The following NUGGC variants were observed in gnomAD, a reference collection of about 807,000 sequenced individuals.
The protein encoded by NUGGC is nuclear GTPase SLIP-GC.
NUGGC carries 58 observed loss-of-function variants against 92.6 expected under a neutral mutation model. The ratio of observed to expected loss-of-function variants is 0.63; its 90% CI spans 0.51 to 0.78. The LOEUF is 0.78. Ranked by LOEUF, NUGGC falls within the 30% of genes least tolerant of loss-of-function variation. The pLI is 0.00. For missense variants in NUGGC, 925 were observed against 964.6 expected, an observed-to-expected ratio of 0.96 and a Z score of 0.54; for synonymous variants, 376 against 366.4, an observed-to-expected ratio of 1.03 and a Z score of -0.30.
chr8:28,078,321 T>A (rs1184589836), intron 1 of NUGGC, among the ~76,000 whole-genome samples: 1 of 152,110 alleles, frequency 6.6e-6, no homozygotes, highest in Non-Finnish European at 1.5e-5. Context: ...AAAGGGATCA[T>A]TTGCAAAAAG....
Position 28,070,362 on chromosome 8 carries a change from G to A in NUGGC, c.44-6C>T, listed in dbSNP as rs1467240697. ...TTTATATAAATCATCTTCAACTAGAGATAAACAGAGGATATATAAGATTAT... is the reference window on the plus strand; with the variant it reads ...TTTATATAAATCATCTTCAACTAGAAATAAACAGAGGATATATAAGATTAT... On this transcript the variant is annotated splice_region_variant and splice_polypyrimidine_tract_variant and intron_variant, in intron 2 of 18. Coordinates refer to ENST00000413272, the MANE Select transcript of NUGGC (RefSeq NM_001010906.2). 7.4e-7 allele frequency: 1 copy of A among 1,357,326 alleles called. No homozygotes were observed. The highest frequency in any genetic ancestry group is 2.5e-5 in the East Asian group (1 of 39,962). The allele number at this position is 1,357,326 out of a possible 1,614,324, so 84.1% of individuals were successfully genotyped here. A position where few individuals can be genotyped will look rare whatever the true frequency, so the allele number is the denominator to read the frequency against.
intron 9 of NUGGC, among the ~76,000 whole-genome samples, chr8:28,057,672 C>T (rs1002618592): frequency 3.3e-5 from 5 of 152,174 alleles, no homozygotes; most frequent in Non-Finnish European, 5.9e-5. Context: ...TTTTCTCTAG[C>T]TTACTTATTT....
At chr8:28,071,308 G>A (rs1810584283) in intron 2 of NUGGC, among the ~76,000 whole-genome samples, 1 of 152,170 alleles carries the variant, frequency 6.6e-6, no homozygotes, top group African/African-American at 2.4e-5. Flanking sequence ...GGTCTTTCCA[G>A]ACTAGGAAAG....
At chr8:28,051,379 T>A (rs912486536) in intron 10 of NUGGC, among the ~76,000 whole-genome samples, 27 of 152,202 alleles carry the variant, frequency 1.8e-4, no homozygotes, top group African/African-American at 6.3e-4. Context: ...GAGCTCATTA[T>A]GATCCTAAAA....
intron 3 of NUGGC, chr8:28,069,990 G>T (rs117529638): frequency 1.3e-5 from 7 of 524,960 alleles, no homozygotes; most frequent in South Asian, 8.2e-5. Flanking sequence ...TGACACCCAC[G>T]GAAGCACCAA....
intron 7 of NUGGC, 27 bp from the exon 8 acceptor site, chr8:28,060,628 C>T (rs1305262929): frequency 1.3e-6 from 2 of 1,598,268 alleles, no homozygotes; most frequent in East Asian, 2.2e-5. Context: ...CGGCATGTGT[C>T]AGCACAGGAA....
intron 1 of NUGGC, among the ~76,000 whole-genome samples, chr8:28,076,958 C>T (rs1033646050): frequency 1.3e-5 from 2 of 152,096 alleles, no homozygotes; most frequent in Admixed American, 6.5e-5. Context: ...CTTAGGAAAC[C>T]GTGAGTTTTC....
chr8:28,033,615 G>A lies in NUGGC; in HGVS notation c.1694C>T (p.Ala565Val), dbSNP rs757286822. Residue 565 changes from alanine to valine, a missense_variant, in exon 14 of 19, where the codon GCG (alanine) becomes GTG (valine). Transcript: ENST00000413272. ...GAGGGCTTCATTTAGATCAATTCTCGCCAGAGTCCTGGAGGCATAGATGCC... is the reference window on the plus strand; with the variant it reads ...GAGGGCTTCATTTAGATCAATTCTCACCAGAGTCCTGGAGGCATAGATGCC... ...KNGIYASRTL[A>V]RIDLNEALTQ... 10 of 1,613,792 alleles carry A rather than the reference G, an allele frequency of 6.2e-6. No homozygotes were observed. The highest frequency in any genetic ancestry group is 3.4e-6 in the Non-Finnish European group (4 of 1,179,830).
intron 3 of NUGGC, among the ~76,000 whole-genome samples, chr8:28,069,932 T>C (rs973503416): frequency 1.3e-5 from 2 of 152,160 alleles, no homozygotes; most frequent in Non-Finnish European, 2.9e-5. Flanking sequence ...TCTAGATTTT[T>C]CCCTCCTGTG....
chr8:28,032,449 G>A (rs150882795), intron 14 of NUGGC, among the ~76,000 whole-genome samples: 2,125 of 152,242 alleles, frequency 0.014, 24 homozygotes, highest in Non-Finnish European at 0.022. Context: ...CGGGCGCGGT[G>A]GCTCATGCCT....
At chr8:28,049,943 C>T (rs760105938) in intron 10 of NUGGC, among the ~76,000 whole-genome samples, 1 of 151,482 alleles carries the variant, frequency 6.6e-6, no homozygotes, top group Non-Finnish European at 1.5e-5. Flanking sequence ...AAAAATTAGT[C>T]GGGCATGGAG....
intron 1 of NUGGC, among the ~76,000 whole-genome samples, chr8:28,081,621 G>A (rs574276871): frequency 6.6e-6 from 1 of 152,240 alleles, no homozygotes; most frequent in Admixed American, 6.5e-5. Context: ...GATCACACCT[G>A]TAATCCCAAC....
At chr8:28,055,794 C>G (rs2130185912) in intron 10 of NUGGC, among the ~76,000 whole-genome samples, 171 bp downstream of exon 10, 1 of 152,314 alleles carries the variant, frequency 6.6e-6, no homozygotes, top group Admixed American at 6.5e-5. Context: ...GATCACACCG[C>G]TGCACTTCAG....
At chr8:28,028,831 C>T (rs1174720252) in intron 17 of NUGGC, among the ~76,000 whole-genome samples, 1 of 152,186 alleles carries the variant, frequency 6.6e-6, no homozygotes, top group East Asian at 1.9e-4. Context: ...CAAGACATCT[C>T]CCTATCTAAA....
chr8:28,025,959 T>C (rs1809249021), intron 18 of NUGGC, among the ~76,000 whole-genome samples: 1 of 152,220 alleles, frequency 6.6e-6, no homozygotes, highest in Non-Finnish European at 1.5e-5. Flanking sequence ...ATGTAGCCCA[T>C]GGAGATTTTT....
At position 28,041,098 on chromosome 8, in the gene NUGGC, T is replaced by C. The variant is rs1261153189; in HGVS notation, c.1564A>G (p.Arg522Gly). Residue 522 changes from arginine (R) to glycine (G), a missense_variant, in exon 13 of 19, where the codon AGG becomes GGG. Coordinates refer to ENST00000413272, the MANE Select transcript of NUGGC (RefSeq NM_001010906.2). ...CAGCGGTAAGAAGTCCTGGCGGTCC[T>C]GACCCCTTCTTGCAGAGGCTGCTCC... Reference protein sequence around the residue: ...CMEQPLQEGVRTARTSYRCIL... With the variant: ...CMEQPLQEGVGTARTSYRCIL... The C allele has an allele frequency of 1.9e-6, 3 of 1,607,678 alleles. No individual in the cohort carries two copies. The highest frequency in any genetic ancestry group is 2.2e-5 in the East Asian group (1 of 44,608).
intron 2 of NUGGC, among the ~76,000 whole-genome samples, chr8:28,071,041 A>G (rs1399709366): frequency 6.6e-6 from 1 of 152,066 alleles, no homozygotes; most frequent in African/African-American, 2.4e-5. Context: ...GTCTGCCCAT[A>G]AACTCATTTG....
rs1255272207 is a variant in NUGGC at position 28,074,452 on chromosome 8, C to T, written c.-42G>A. ...TCCTGCTCTTCTCAGTTCAGGAGAA[C>T]CAGCCTGTGAAGACAAAGTACAAAG... On this transcript the variant is annotated 5_prime_UTR_variant, in exon 2 of 19. Coordinates refer to ENST00000413272, the MANE Select transcript of NUGGC (RefSeq NM_001010906.2). 2 of 1,610,334 alleles carry T rather than the reference C, an allele frequency of 1.2e-6. No individual in the cohort carries two copies. The highest frequency in any genetic ancestry group is 2.2e-5 in the South Asian group (2 of 90,520).
At chr8:28,045,474 GA>G in intron 12 of NUGGC, 52 bp downstream of exon 12, 4 of 1,539,226 alleles carry the variant, frequency 2.6e-6, no homozygotes, top group Non-Finnish European at 3.5e-6. Context: ...TTGGTAAAAG[GA>G]AATGTCCTGC....
Sources: gnomAD v4.1 joint callset for allele counts (sites outside exome capture counted in the v4.1 genomes callset) on GRCh38, gnomAD v4.1.1 for gene constraint, MANE v1.5 for transcripts, NCBI Gene and HGNC (gene_info 2026-07-23, HGNC 2026-07-21) for gene names.